PCM1: variants seen among roughly 807,000 people sequenced by gnomAD.
PCM1 encodes the protein pericentriolar material 1 protein.
PCM1 carries 157 observed loss-of-function variants against 241.9 expected under a neutral mutation model. The ratio of observed to expected loss-of-function variants is 0.65; its 90% CI spans 0.57 to 0.74. PCM1 has a LOEUF of 0.74. Ranked by LOEUF, PCM1 falls within the 30% of genes least tolerant of loss-of-function variation. PCM1 has a pLI of 0.00. For missense variants in PCM1, 3,478 were observed against 2,360.1 expected (o/e 1.47, Z -9.81); for synonymous variants, 1,085 against 784.9 (o/e 1.38, Z -6.39).
chr8:18,009,571 A>G lies in PCM1; in HGVS notation c.4987A>G (p.Arg1663Gly). The change falls in exon 31 of 39, where the codon AGA (arginine) becomes GGA (glycine). Residue 1663 changes from arginine to glycine, a missense_variant. By Grantham distance (125) the Arg-to-Gly change is moderately radical. Coordinates refer to ENST00000325083, the MANE Select transcript of PCM1 (RefSeq NM_006197.4). ...LQDSLAKFAG[R>G]KLKDCGEDLL... ...GGATTCACTGGCAAAATTTGCTGGCAGAAAACTGAAAGACTGTGGAGAAGA... is the reference window on the plus strand; with the variant it reads ...GGATTCACTGGCAAAATTTGCTGGCGGAAAACTGAAAGACTGTGGAGAAGA... 1 of 1,601,038 alleles carries G rather than the reference A, an allele frequency of 6.2e-7. No homozygotes were observed. The highest frequency in any genetic ancestry group is 8.5e-7 in the Non-Finnish European group (1 of 1,173,048).
chr8:17,970,793 A>C, intron 22 of PCM1, among the ~76,000 whole-genome samples: 1 of 152,198 alleles, frequency 6.6e-6, no homozygotes, highest in South Asian at 2.1e-4. Context: ...TATCATTTTT[A>C]GGATGGATCT....
rs1474899521 is a variant in PCM1, at chr8:17,950,633, G to A, written c.980G>A (p.Gly327Asp). The A allele has an allele frequency of 6.3e-7, 1 of 1,597,720 alleles. No individual in the cohort carries two copies. The highest frequency in any genetic ancestry group is 8.6e-7 in the Non-Finnish European group (1 of 1,168,710). ...TTTCCAGTTGTTGCAGAAACTGCAG[G>A]TAGCTTATCTGGCGTCAGTATCACA... ...MDDSVVAETAGSLSGVSITSE... is the reference protein window; with the variant it reads ...MDDSVVAETADSLSGVSITSE... Residue 327 changes from glycine to aspartate, a missense_variant, in exon 8 of 39, where the codon GGT (glycine) becomes GAT (aspartate). Transcript: ENST00000325083.
At chr8:17,971,444 T>A (rs1043769515) in intron 22 of PCM1, among the ~76,000 whole-genome samples, 3 of 152,236 alleles carry the variant, frequency 2.0e-5, no homozygotes, top group African/African-American at 7.2e-5. Flanking sequence ...TAACTTTGTT[T>A]TATGTGTTTT....
chr8:18,013,243 A>G (rs1398946094), intron 34 of PCM1, among the ~76,000 whole-genome samples: 2 of 152,170 alleles, frequency 1.3e-5, no homozygotes, highest in Admixed American at 6.5e-5. Flanking sequence ...ACAGGCATGC[A>G]CTAGATTATT....
intron 31 of PCM1, 143 bp from the exon 32 acceptor site, chr8:18,010,463 CATG>C (rs1377120308): frequency 1.7e-6 from 1 of 574,712 alleles, no homozygotes; most frequent in Non-Finnish European, 3.0e-6. Flanking sequence ...AATAAAACAG[CATG>C]ATACTATAAT....
rs754888118 is a variant in PCM1, at chr8:17,964,556, C to G, written c.2655-12C>G. On this transcript the variant is annotated splice_polypyrimidine_tract_variant and intron_variant, in intron 17 of 38. Coordinates refer to ENST00000325083, the MANE Select transcript of PCM1 (RefSeq NM_006197.4). Reference sequence around the variant, plus strand: ...CCAGAATGACATCTGTTTTATGTCTCTTAATCACTAGAACGATGGCAACTT... The same window carrying G: ...CCAGAATGACATCTGTTTTATGTCTGTTAATCACTAGAACGATGGCAACTT... 30 of 1,607,544 alleles carry G rather than the reference C, an allele frequency of 1.9e-5. No individual in the cohort carries two copies. The highest frequency in any genetic ancestry group is 1.2e-4 in the South Asian group (11 of 90,556).
Position 18,009,516 on chromosome 8 carries a change from TTTAAAAA to T in PCM1, c.4963-27_4963-21del, listed in dbSNP as rs781534269. 4.1e-5 allele frequency: 59 copies of T among 1,434,296 alleles called. No individual in the cohort carries two copies. The African/African-American group carries it at 7.6e-4, about 19-fold the overall frequency. 88.8% of individuals were successfully genotyped at this position (1,434,296 alleles called of 1,614,324 possible). On this transcript the variant is annotated intron_variant, in intron 30 of 38. Coordinates refer to ENST00000325083, the MANE Select transcript of PCM1 (RefSeq NM_006197.4). ...TATTTTATAATTGAAGTTTACTGTC[TTTAAAAA>T]TTATTTGGTTTATCTTTGAATAGGA...
At chr8:18,026,260 CT>C (rs35129825) in intron 38 of PCM1, among the ~76,000 whole-genome samples, 47,265 of 108,834 alleles carry the variant, frequency 0.43, 10,895 homozygotes, top group Middle Eastern at 0.56. Flanking sequence ...CAAAAACCCA[CT>C]TTTTTTTTTT....
At chr8:17,939,992 T>A (rs2061554140) in intron 6 of PCM1, 131 bp downstream of exon 6, 2 of 1,294,682 alleles carry the variant, frequency 1.5e-6, no homozygotes. Context: ...TTATAACAAT[T>A]TATTGCCCAT....
At chr8:17,947,065 C>G (rs556014145) in intron 6 of PCM1, 121 bp from the exon 7 acceptor site, 10 of 567,282 alleles carry the variant, frequency 1.8e-5, no homozygotes, top group East Asian at 3.0e-5. Context: ...TCTACTAAAA[C>G]TATATTTAGG....
At chr8:17,949,500 C>CT (rs556627460) in intron 7 of PCM1, among the ~76,000 whole-genome samples, 296 of 141,688 alleles carry the variant, frequency 2.1e-3, no homozygotes, top group Admixed American at 4.4e-3. Flanking sequence ...TTTTCTTTAT[C>CT]TTTTTTTTTT....
At chr8:17,972,770 G>GT in intron 23 of PCM1, 83 bp downstream of exon 23, 1 of 790,800 alleles carries the variant, frequency 1.3e-6, no homozygotes. Flanking sequence ...TATAGTTTCA[G>GT]TAAGGCTAGA....
rs543699559 is a variant in PCM1, at chr8:18,027,434, G to A, written c.6050-203G>A. ...GTTTTTAGAGAGACACGAAGTATCT[G>A]CTCAGTCTGCCTTGTTGAATCAGAA... On this transcript the variant is annotated intron_variant, in intron 38 of 38. Transcript: ENST00000325083. Among the ~76,000 whole-genome samples, 6 of 152,262 alleles carry A rather than the reference G, an allele frequency of 3.9e-5. No homozygotes were observed. In the East Asian group the frequency reaches 1.2e-3, roughly 29 times the overall value.
At chr8:18,013,782 C>T (rs2092809358) in intron 34 of PCM1, 182 bp from the exon 35 acceptor site, 5 of 546,198 alleles carry the variant, frequency 9.2e-6, no homozygotes, top group Non-Finnish European at 1.6e-5. Context: ...ACAAGGAAAC[C>T]CTTTAACTTA....
chr8:17,989,675 ACT>A (rs2129478110), intron 26 of PCM1, among the ~76,000 whole-genome samples, 182 bp from the exon 27 acceptor site: 1 of 151,904 alleles, frequency 6.6e-6, no homozygotes, highest in East Asian at 1.9e-4. Context: ...GTTCTCTGTG[ACT>A]CTGTATTCAG....
intron 28 of PCM1, among the ~76,000 whole-genome samples, chr8:17,992,004 C>G (rs80299186): frequency 0.011 from 1,616 of 152,320 alleles, 35 homozygotes; most frequent in African/African-American, 0.037. Flanking sequence ...GTCTCCAACT[C>G]TACCCAGATG....
rs574800114 is a variant in PCM1 at position 17,957,425 on chromosome 8, T to C, written c.1804+4T>C. 78 of 1,611,466 alleles carry C rather than the reference T, an allele frequency of 4.8e-5. No individual in the cohort carries two copies. The South Asian group carries it at 6.5e-4, about 13-fold the overall frequency. On this transcript the variant is annotated splice_donor_region_variant and intron_variant, in intron 12 of 38. Coordinates refer to ENST00000325083, the MANE Select transcript of PCM1 (RefSeq NM_006197.4). The stretch of plus-strand genomic sequence containing the variant: ...CTAAACATGCCTCCTTCTTTAGGTA[T>C]GACTGACTGTATTTACATATAATTT...
chr8:18,027,725 CTAAA>C lies in PCM1; in HGVS notation c.*68_*71del. The C allele has an allele frequency of 1.7e-6, 2 of 1,172,198 alleles. No individual in the cohort carries two copies. The highest frequency in any genetic ancestry group is 2.5e-6 in the Non-Finnish European group (2 of 805,466). The allele number at this position is 1,172,198 out of a possible 1,614,324, so 72.6% of individuals were successfully genotyped here. ...ACTCAATGCATATATGAAAACAATA[CTAAA>C]TAAACATCTGATCTGTATAAAAATG... On this transcript the variant is annotated 3_prime_UTR_variant, in exon 39 of 39. Transcript: ENST00000325083.
chr8:17,980,885 TATA>T (rs377503861), intron 24 of PCM1, 130 bp downstream of exon 24: 32 of 593,150 alleles, frequency 5.4e-5, no homozygotes, highest in African/African-American at 5.4e-4. Flanking sequence ...TAGTGGAAAT[TATA>T]GTACACATTC....
Sources: gnomAD v4.1 joint callset for allele counts (sites outside exome capture counted in the v4.1 genomes callset) on GRCh38, gnomAD v4.1.1 for gene constraint, MANE v1.5 for transcripts, NCBI Gene and HGNC (gene_info 2026-07-23, HGNC 2026-07-21) for gene names.